Variants in DNAJC13 observed in about 807,000 individuals in gnomAD.
DNAJC13 encodes the protein DnaJ heat shock protein family (Hsp40) member C13, also known as dnaJ homolog subfamily C member 13.
A neutral mutation model predicts 290.5 loss-of-function variants in DNAJC13; 75 were observed. That is an observed-to-expected ratio of 0.26 (90% CI 0.21 to 0.31). The LOEUF (loss-of-function observed/expected upper bound fraction) is 0.31. Ranked by LOEUF, DNAJC13 falls within the 10% of genes least tolerant of loss-of-function variation. The pLI is 1.00. For synonymous variants in DNAJC13, 862 were observed against 892.0 expected (o/e 0.97, Z 0.60); for missense variants, 2,260 against 2,674.5 (o/e 0.85, Z 3.42).
rs778430147 is a variant in DNAJC13 at position 132,522,971 on chromosome 3, C to T, written c.5817C>T (p.Ser1939=). The T allele has an allele frequency of 1.9e-6, 3 of 1,610,908 alleles. No homozygotes were observed. Among genetic ancestry groups the T allele is most frequent in the Non-Finnish European group, 2.5e-6 (3 of 1,179,176 alleles). ...IWNDNSRDKV[S]TTVREMMLEH... Reference sequence around the variant, plus strand: ...ATGATAATTCCAGAGATAAAGTGTCCACAACAGTTAGGGAAATGATGCTAG... The same window carrying T: ...ATGATAATTCCAGAGATAAAGTGTCTACAACAGTTAGGGAAATGATGCTAG... The change falls in exon 49 of 56, where the codon TCC becomes TCT. Residue 1939 remains serine, a synonymous_variant. Transcript: ENST00000260818.
chr3:132,434,413 C>T, intron 1 of DNAJC13, 125 bp from the exon 2 acceptor site: 1 of 541,042 alleles, frequency 1.8e-6, no homozygotes, highest in Non-Finnish European at 3.2e-6. Flanking sequence ...ACCTTATGGT[C>T]TTGTAAAGGA....
chr3:132,492,561 C>T lies in DNAJC13; in HGVS notation c.3771C>T (p.Tyr1257=). 1 of 1,613,754 alleles carries T rather than the reference C, an allele frequency of 6.2e-7. No individual in the cohort carries two copies. Among genetic ancestry groups the T allele is most frequent in the Non-Finnish European group, 8.5e-7 (1 of 1,179,772 alleles). ...LENELFCNIY[Y]LKQLCDTLRF... Reference sequence around the variant, plus strand: ...ATGAACTATTTTGTAATATTTATTACCTCAAACAACTGTGTGATACACTCC... The same window carrying T: ...ATGAACTATTTTGTAATATTTATTATCTCAAACAACTGTGTGATACACTCC... The change falls in exon 33 of 56, where the codon TAC becomes TAT. Residue 1257 remains tyrosine (Y), a synonymous_variant. Transcript: ENST00000260818.
chr3:132,454,188 C>G, intron 9 of DNAJC13, 31 bp downstream of exon 9: 1 of 1,519,168 alleles, frequency 6.6e-7, no homozygotes, highest in Non-Finnish European at 9.0e-7. Context: ...TTTTGAAATC[C>G]TAGTTGTGCA....
Position 132,499,781 on chromosome 3 carries a change from T to C in DNAJC13, c.4389T>C (p.Ala1463=). The C allele has an allele frequency of 6.2e-7, 1 of 1,614,178 alleles. No homozygotes were observed. The highest frequency in any genetic ancestry group is 8.5e-7 in the Non-Finnish European group (1 of 1,180,006). ...GCTGTGTGGCTGTCTTGACTCGTGC[T>C]AGTAAACCAAGTGACATGTCAGTAC... is the stretch of plus-strand genomic sequence containing the variant. ...FSRCVAVLTR[A]SKPSDMSVQV... The change falls in exon 38 of 56, where the codon GCT becomes GCC. Residue 1463 remains alanine, a synonymous_variant. Coordinates refer to ENST00000260818, the MANE Select transcript of DNAJC13 (RefSeq NM_015268.4).
chr3:132,481,327 C>A (rs1192746316), intron 26 of DNAJC13, among the ~76,000 whole-genome samples: 2 of 152,180 alleles, frequency 1.3e-5, no homozygotes, highest in Non-Finnish European at 2.9e-5. Context: ...GTGGCTCACA[C>A]TGGTAATCCC....
At chr3:132,494,344 T>C (rs1422947149) in intron 34 of DNAJC13, 85 bp downstream of exon 34, 23 of 1,036,478 alleles carry the variant, frequency 2.2e-5, no homozygotes, top group Non-Finnish European at 3.3e-5. Flanking sequence ...AAATCAATCA[T>C]TTTAAAATCT....
intron 47 of DNAJC13, 93 bp downstream of exon 47, chr3:132,516,589 C>A: frequency 6.5e-7 from 1 of 1,531,686 alleles, no homozygotes; most frequent in South Asian, 1.2e-5. Flanking sequence ...TAGAAGAATG[C>A]TTTGGAATGT....
intron 20 of DNAJC13, among the ~76,000 whole-genome samples, chr3:132,468,916 C>G (rs1934092210): frequency 6.6e-6 from 1 of 152,100 alleles, no homozygotes; most frequent in African/African-American, 2.4e-5. Flanking sequence ...CATCAGACTT[C>G]ATATGTAACA....
chr3:132,479,194 C>T (rs1201938583), intron 24 of DNAJC13, 33 bp from the exon 25 acceptor site: 2 of 1,429,116 alleles, frequency 1.4e-6, no homozygotes, highest in East Asian at 2.3e-5. Flanking sequence ...TATTTCTATT[C>T]ACTTCTGACC....
chr3:132,500,937 C>G, intron 39 of DNAJC13, 24 bp downstream of exon 39: 2 of 1,611,118 alleles, frequency 1.2e-6, no homozygotes, highest in Non-Finnish European at 1.7e-6. Context: ...TTAATGCTTT[C>G]TAGATACAGA....
intron 2 of DNAJC13, among the ~76,000 whole-genome samples, chr3:132,443,735 G>A (rs1933149811): frequency 1.3e-5 from 2 of 152,128 alleles, no homozygotes; most frequent in Admixed American, 1.3e-4. Context: ...GGAAGGGAGT[G>A]CGGAGGGGAA....
chr3:132,417,585 C>CG lies in DNAJC13; in HGVS notation c.-185dup, dbSNP rs900959725. ...AGGCAGAGGGAGGAGGCGGAGGGGG[C>CG]GGGGAGGCAGCGCCGCGGCGGCACC... On this transcript the variant is annotated 5_prime_UTR_variant, in exon 1 of 56. Transcript: ENST00000260818. The CG allele has an allele frequency of 6.6e-6, 1 of 151,868 alleles. No individual in the cohort carries two copies. Among genetic ancestry groups the CG allele is most frequent in the African/African-American group, 2.4e-5 (1 of 41,172 alleles). 9.4% of individuals were successfully genotyped at this position (151,868 alleles called of 1,614,324 possible). A position where few individuals can be genotyped will look rare whatever the true frequency, so the allele number is the denominator to read the frequency against.
In DNAJC13 at chr3:132,449,775, G is replaced by A. The variant is rs543073508; in HGVS notation, c.337-872G>A. 5.3e-5 allele frequency among the ~76,000 whole-genome samples: 8 copies of A among 152,266 alleles called. No individual in the cohort carries two copies. The East Asian group carries it at 1.5e-3, about 29-fold the overall frequency. ...GATTTTTACATTAAAAATTGTAATT[G>A]ACCATGTATCCCACTTTATATTGAT... On this transcript the variant is annotated intron_variant, in intron 5 of 55. Coordinates refer to ENST00000260818, the MANE Select transcript of DNAJC13 (RefSeq NM_015268.4).
chr3:132,502,601 T>C (rs1935454818), intron 40 of DNAJC13, 133 bp downstream of exon 40: 4 of 767,786 alleles, frequency 5.2e-6, no homozygotes, highest in Middle Eastern at 4.1e-4. Context: ...TTTTTTGCTT[T>C]TTAAACCTAA....
intron 2 of DNAJC13, among the ~76,000 whole-genome samples, chr3:132,444,225 C>G (rs1044122600): frequency 6.6e-6 from 1 of 152,170 alleles, no homozygotes; most frequent in African/African-American, 2.4e-5. Flanking sequence ...GAAACCATCC[C>G]CCTGCCCTGT....
At position 132,538,687 on chromosome 3, in the gene DNAJC13, C is replaced by T. The variant is rs918511250; in HGVS notation, c.*405C>T. On this transcript the variant is annotated 3_prime_UTR_variant, in exon 56 of 56. Coordinates refer to ENST00000260818, the MANE Select transcript of DNAJC13 (RefSeq NM_015268.4). ...ACTTTTCCCCAGGAAAGAATATTTC[C>T]CTCTCCTGCATCAAGTCTGCGTGGC... is the stretch of plus-strand genomic sequence containing the variant. 2 of 159,920 alleles carry T rather than the reference C, an allele frequency of 1.3e-5. No individual in the cohort carries two copies. Among genetic ancestry groups the T allele is most frequent in the Non-Finnish European group, 2.7e-5 (2 of 73,342 alleles). The allele number at this position is 159,920 out of a possible 1,614,324, so 9.9% of individuals were successfully genotyped here.
At chr3:132,439,733 T>A (rs1392881257) in intron 2 of DNAJC13, among the ~76,000 whole-genome samples, 3 of 152,234 alleles carry the variant, frequency 2.0e-5, no homozygotes, top group Non-Finnish European at 4.4e-5. Flanking sequence ...GATGCCCTTT[T>A]ATTTCTTCTA....
At chr3:132,509,185 A>G (rs1935696594) in intron 43 of DNAJC13, among the ~76,000 whole-genome samples, 3 of 152,260 alleles carry the variant, frequency 2.0e-5, no homozygotes, top group Admixed American at 2.0e-4. Flanking sequence ...GCGTAAGAGC[A>G]TTTGTGATTC....
chr3:132,423,901 G>T (rs1939025771), intron 1 of DNAJC13, among the ~76,000 whole-genome samples: 1 of 152,170 alleles, frequency 6.6e-6, no homozygotes, highest in Admixed American at 6.5e-5. Context: ...AAATATGGCT[G>T]CTAAAAATTT....
Sources: gnomAD v4.1 joint callset for allele counts (sites outside exome capture counted in the v4.1 genomes callset) on GRCh38, gnomAD v4.1.1 for gene constraint, MANE v1.5 for transcripts, NCBI Gene and HGNC (gene_info 2026-07-23, HGNC 2026-07-21) for gene names.